Variants in ZNF70 observed in about 807,000 individuals in gnomAD.
The protein encoded by ZNF70 is zinc finger protein 70.
A neutral mutation model predicts 37.7 loss-of-function variants in ZNF70; 18 were observed. That is an observed-to-expected ratio of 0.48 (90% CI 0.33 to 0.71). The LOEUF (loss-of-function observed/expected upper bound fraction) is 0.71, where lower values mean the gene tolerates loss of function less well. ZNF70 is among the 30% of genes least tolerant of loss of function. The pLI, the probability that ZNF70 is intolerant of heterozygous loss-of-function variation, is 0.02. For missense variants in ZNF70, 506 were observed against 568.6 expected (o/e 0.89, Z 1.12); for synonymous variants, 219 against 220.1 (o/e 0.99, Z 0.05).
rs763459944 is a variant in ZNF70, at chr22:23,744,641, G to A, written c.500C>T (p.Pro167Leu). The A allele has an allele frequency of 6.3e-5, 101 of 1,613,972 alleles. No individual in the cohort carries two copies. Among genetic ancestry groups the A allele is most frequent in the Non-Finnish European group, 8.3e-5 (98 of 1,179,996 alleles). ...RHLVIHTGEKPYECCECGKAF... is the reference protein window; with the variant it reads ...RHLVIHTGEKLYECCECGKAF... ...CTTCCCGCACTCACAGCACTCATAG[G>A]GCTTCTCCCCAGTGTGGATCACCAG... Residue 167 changes from proline to leucine, a missense_variant, in exon 2 of 2, where the codon CCC becomes CTC. Transcript: ENST00000341976.
chr22:23,750,408 C>T (rs1925283265), intron 1 of ZNF70, among the ~76,000 whole-genome samples: 1 of 152,148 alleles, frequency 6.6e-6, no homozygotes, highest in Non-Finnish European at 1.5e-5. Flanking sequence ...CATTGCCTAC[C>T]TAGGTGCATG....
chr22:23,745,409 A>G (rs1312770072), intron 1 of ZNF70, among the ~76,000 whole-genome samples, 190 bp from the exon 2 acceptor site: 1 of 152,218 alleles, frequency 6.6e-6, no homozygotes, highest in Non-Finnish European at 1.5e-5. Context: ...ACAGACAGAC[A>G]CAATCAAGTG....
Position 23,750,951 on chromosome 22 carries a change from G to C in ZNF70, c.-320C>G, listed in dbSNP as rs1407614461. 1 of 151,540 alleles carries C rather than the reference G, an allele frequency of 6.6e-6. No homozygotes were observed. Among genetic ancestry groups the C allele is most frequent in the African/African-American group, 2.4e-5 (1 of 41,368 alleles). The allele number at this position is 151,540 out of a possible 1,614,324, so 9.4% of individuals were successfully genotyped here. ...AGGGACAGGTGGTCAGGCGGACTCA[G>C]GTCACACCGGCGGACGCGGGGCCAC... On this transcript the variant is annotated 5_prime_UTR_variant, in exon 1 of 2. Coordinates refer to ENST00000341976, the MANE Select transcript of ZNF70 (RefSeq NM_021916.4).
rs747995944 is a variant in ZNF70 at position 23,744,273 on chromosome 22, A to T, written c.868T>A (p.Cys290Ser). 6.8e-6 allele frequency: 11 copies of T among 1,612,664 alleles called. No individual in the cohort carries two copies. The South Asian group carries it at 1.2e-4, about 18-fold the overall frequency. The change falls in exon 2 of 2, where the codon TGT becomes AGT. Residue 290 changes from cysteine to serine, a missense_variant. By Grantham distance (112) the Cys-to-Ser change is moderately radical. Coordinates refer to ENST00000341976, the MANE Select transcript of ZNF70 (RefSeq NM_021916.4). ...HECDLCGKAF[C>S]HRSHLIRHQR... ...TGTCGGATGAGGTGTGACCTGTGAC[A>T]AAAGGCTTTCCCACAGAGATCGCAC... is the stretch of plus-strand genomic sequence containing the variant.
Position 23,744,138 on chromosome 22 carries a change from G to T in ZNF70, c.1003C>A (p.Pro335Thr), listed in dbSNP as rs1375134566. Residue 335 changes from proline to threonine, a missense_variant, in exon 2 of 2, where the codon CCC (proline) becomes ACC (threonine). Pro to Thr is a conservative substitution (Grantham distance 38). Transcript: ENST00000341976. ...TTCCCACACTTCTGGCATTTGTAGG[G>T]CTTCTCGCCAGTGTGGGTCTTGCGG... ...EHRKTHTGEKPYKCQKCGKAF... is the reference protein window; with the variant it reads ...EHRKTHTGEKTYKCQKCGKAF... 1 of 1,614,102 alleles carries T rather than the reference G, an allele frequency of 6.2e-7. No homozygotes were observed. Among genetic ancestry groups the T allele is most frequent in the Admixed American group, 1.7e-5 (1 of 60,002 alleles).
rs1391843201 is a variant in ZNF70 at position 23,741,429 on chromosome 22, C to A, written c.*2371G>T. On this transcript the variant is annotated 3_prime_UTR_variant, in exon 2 of 2. Transcript: ENST00000341976. ...TGGTTACACAGAGGGTTCTGGTGGA[C>A]AATGGAGTGCTGGTTAAATGTTAAA... 1 of 152,190 alleles carries A rather than the reference C, an allele frequency of 6.6e-6. No homozygotes were observed. The highest frequency in any genetic ancestry group is 2.4e-5 in the African/African-American group (1 of 41,436). 9.4% of individuals were successfully genotyped at this position (152,190 alleles called of 1,614,324 possible).
At chr22:23,749,955 C>G (rs142306324) in intron 1 of ZNF70, among the ~76,000 whole-genome samples, 3 of 152,222 alleles carry the variant, frequency 2.0e-5, no homozygotes, top group African/African-American at 7.2e-5. Flanking sequence ...TCAACTCTCA[C>G]GCTCTAGCAC....
At chr22:23,746,177 C>T (rs2145898856) in intron 1 of ZNF70, among the ~76,000 whole-genome samples, 1 of 150,128 alleles carries the variant, frequency 6.7e-6, no homozygotes, top group East Asian at 2.0e-4. Context: ...ATATCCAAAA[C>T]ATAAGCCTGA....
Position 23,743,998 on chromosome 22 carries a change from C to T in ZNF70, c.1143G>A (p.Gln381=), listed in dbSNP as rs2145895300. Residue 381 remains glutamine (Q), a synonymous_variant, in exon 2 of 2, where the codon CAG becomes CAA. Transcript: ENST00000341976. ...KAFCHSSALI[Q]HQRIHTGKKP... is the part of the protein sequence containing the mutation. Reference sequence around the variant, plus strand: ...TCTTGCCGGTGTGGATTCTCTGGTGCTGGATCAGCGCAGAGCTGTGGCAAA... The same window carrying T: ...TCTTGCCGGTGTGGATTCTCTGGTGTTGGATCAGCGCAGAGCTGTGGCAAA... The T allele has an allele frequency of 6.2e-7, 1 of 1,614,138 alleles. No individual in the cohort carries two copies. The highest frequency in any genetic ancestry group is 8.5e-7 in the Non-Finnish European group (1 of 1,180,022).
rs144101308 is a variant in ZNF70, at chr22:23,744,970, G to A, written c.171C>T (p.Asp57=). ...TCCCCTCGTAATCATCATTTTCTTC[G>A]TCCTGCTCACCAAGAGGGATCTCCT... ...IYKEIPLGEQ[D]EENDDYEGNF... The change falls in exon 2 of 2, where the codon GAC becomes GAT. Residue 57 remains aspartate (D), a synonymous_variant. Transcript: ENST00000341976. The A allele has an allele frequency of 2.5e-5, 40 of 1,614,034 alleles. No homozygotes were observed. Among genetic ancestry groups the A allele is most frequent in the East Asian group, 1.8e-4 (8 of 44,882 alleles).
intron 1 of ZNF70, among the ~76,000 whole-genome samples, chr22:23,749,065 T>C (rs535888659): frequency 6.6e-5 from 10 of 151,328 alleles, no homozygotes; most frequent in Non-Finnish European, 1.0e-4. Context: ...CCTGTCTCTA[T>C]TAAAAATACA....
In ZNF70 at chr22:23,744,936, A is replaced by C; in HGVS notation, c.205T>G (p.Leu69Val). The C allele has an allele frequency of 6.2e-7, 1 of 1,614,188 alleles. No individual in the cohort carries two copies. The highest frequency in any genetic ancestry group is 8.5e-7 in the Non-Finnish European group (1 of 1,180,034). Residue 69 changes from leucine to valine, a missense_variant, in exon 2 of 2, where the codon TTG (leucine) becomes GTG (valine). Transcript: ENST00000341976. ...ENDDYEGNFS[L>V]CSSPVQHQSI... ...TGATGCTGAACAGGGCTTGAGCACA[A>C]ACTGAAATTCCCCTCGTAATCATCA...
rs1468028737 is a variant in ZNF70, at chr22:23,743,746, G to T, written c.*54C>A. ...TGGGGTCTTGGAGACCACGCGACGT[G>T]GAATAAAGGCTCCATCTGGCACAGG... is the stretch of plus-strand genomic sequence containing the variant. On this transcript the variant is annotated 3_prime_UTR_variant, in exon 2 of 2. Transcript: ENST00000341976. 6.4e-7 allele frequency: 1 copy of T among 1,562,716 alleles called. No homozygotes were observed. Among genetic ancestry groups the T allele is most frequent in the African/African-American group, 1.4e-5 (1 of 72,716 alleles).
chr22:23,744,752 G>A lies in ZNF70; in HGVS notation c.389C>T (p.Pro130Leu), dbSNP rs138403196. The change falls in exon 2 of 2, where the codon CCT becomes CTT. Residue 130 changes from proline to leucine, a missense_variant. By Grantham distance (98) the Pro-to-Leu change is moderately conservative. Coordinates refer to ENST00000341976, the MANE Select transcript of ZNF70 (RefSeq NM_021916.4). ...CTTGGCTGGTTGTGGGGTTCTGTGA[G>A]GTGCGTTAGGTCCTGAGTCCCCTCT... ...TDRGDSGPNA[P>L]HRTPQPAKPY... The A allele has an allele frequency of 6.2e-7, 1 of 1,614,238 alleles. No individual in the cohort carries two copies. Among genetic ancestry groups the A allele is most frequent in the African/African-American group, 1.3e-5 (1 of 75,056 alleles).
At chr22:23,747,071 T>C (rs1256343585) in intron 1 of ZNF70, among the ~76,000 whole-genome samples, 1 of 152,314 alleles carries the variant, frequency 6.6e-6, no homozygotes, top group East Asian at 1.9e-4. Context: ...ATGTACACAG[T>C]TGTTGAATAA....
Position 23,742,078 on chromosome 22 carries a change from C to G in ZNF70, c.*1722G>C, listed in dbSNP as rs748472098. 1.3e-5 allele frequency: 2 copies of G among 152,466 alleles called. No homozygotes were observed. The highest frequency in any genetic ancestry group is 4.8e-5 in the African/African-American group (2 of 41,452). The allele number at this position is 152,466 out of a possible 1,614,324, so 9.4% of individuals were successfully genotyped here. On this transcript the variant is annotated 3_prime_UTR_variant, in exon 2 of 2. Coordinates refer to ENST00000341976, the MANE Select transcript of ZNF70 (RefSeq NM_021916.4). ...CCTGGCCAACATGGTGAAACCCCGTCTGTACTAAAAATACAAAAAATTAGC... is the reference window on the plus strand; with the variant it reads ...CCTGGCCAACATGGTGAAACCCCGTGTGTACTAAAAATACAAAAAATTAGC...
Position 23,743,669 on chromosome 22 carries a change from T to G in ZNF70, c.*131A>C. ...ACACAGGGCCTTCCTGCTAGTGGGA[T>G]GTTCAAGAGCGCTTAGGTGGGAAGG... On this transcript the variant is annotated 3_prime_UTR_variant, in exon 2 of 2. Transcript: ENST00000341976. 11 of 1,282,242 alleles carry G rather than the reference T, an allele frequency of 8.6e-6. No homozygotes were observed. The highest frequency in any genetic ancestry group is 1.1e-5 in the Non-Finnish European group (10 of 931,942). The allele number at this position is 1,282,242 out of a possible 1,614,324, so 79.4% of individuals were successfully genotyped here.
intron 1 of ZNF70, among the ~76,000 whole-genome samples, chr22:23,748,721 T>C (rs1925216980): frequency 6.6e-6 from 1 of 151,654 alleles, no homozygotes; most frequent in Non-Finnish European, 1.5e-5. Flanking sequence ...ATTTTTGTAT[T>C]TTTAGTAGAG....
chr22:23,744,752 G>T lies in ZNF70; in HGVS notation c.389C>A (p.Pro130His), dbSNP rs138403196. The stretch of plus-strand genomic sequence containing the variant: ...CTTGGCTGGTTGTGGGGTTCTGTGA[G>T]GTGCGTTAGGTCCTGAGTCCCCTCT... ...TDRGDSGPNA[P>H]HRTPQPAKPY... is the part of the protein sequence containing the mutation. The change falls in exon 2 of 2, where the codon CCT (proline) becomes CAT (histidine). Residue 130 changes from proline (P) to histidine (H), a missense_variant. Coordinates refer to ENST00000341976, the MANE Select transcript of ZNF70 (RefSeq NM_021916.4). 8.3e-5 allele frequency: 134 copies of T among 1,614,238 alleles called. 2 individuals carry two copies. In the African/African-American group the frequency reaches 1.7e-3, roughly 20 times the overall value.
Sources: gnomAD v4.1 joint callset for allele counts (sites outside exome capture counted in the v4.1 genomes callset) on GRCh38, gnomAD v4.1.1 for gene constraint, MANE v1.5 for transcripts, NCBI Gene and HGNC (gene_info 2026-07-23, HGNC 2026-07-21) for gene names.